KDM4C: variants seen among roughly 807,000 people sequenced by gnomAD.
KDM4C encodes the protein lysine-specific demethylase 4C.
Under a neutral mutation model 129.3 loss-of-function variants are expected in KDM4C, and 81 were observed. That is an observed-to-expected ratio of 0.63 (90% CI 0.52 to 0.75). The LOEUF is 0.75. Among genes scored for constraint, KDM4C ranks in the 30% least tolerant of loss-of-function variants. KDM4C has a pLI of 0.00. For synonymous variants in KDM4C, 573 were observed against 456.1 expected (o/e 1.26, Z -3.26); for missense variants, 1,457 against 1,304.0 (o/e 1.12, Z -1.81).
intron 4 of KDM4C, among the ~76,000 whole-genome samples, chr9:6,847,144 A>C (rs1291915040): frequency 1.3e-5 from 2 of 152,186 alleles, no homozygotes; most frequent in African/African-American, 4.8e-5. Context: ...ATTTTAGAGA[A>C]ATAGTTTGTG....
chr9:6,776,876 A>ACC (rs1823187062), intron 1 of KDM4C, among the ~76,000 whole-genome samples: 1 of 152,206 alleles, frequency 6.6e-6, no homozygotes, highest in Non-Finnish European at 1.5e-5. Flanking sequence ...TGCTGGGATT[A>ACC]CAGGCGTGAG....
intron 3 of KDM4C, among the ~76,000 whole-genome samples, chr9:6,814,115 C>T (rs1371065629): frequency 6.6e-6 from 1 of 152,028 alleles, no homozygotes; most frequent in Non-Finnish European, 1.5e-5. Context: ...AATGGTTTTG[C>T]CAGCTTATAT....
At chr9:7,101,194 A>G (rs774370854) in intron 17 of KDM4C, among the ~76,000 whole-genome samples, 2 of 152,206 alleles carry the variant, frequency 1.3e-5, no homozygotes, top group African/African-American at 2.4e-5. Flanking sequence ...TTCTAGTGCC[A>G]GGTAGCATTT....
At chr9:7,146,712 G>A (rs967858000) in intron 19 of KDM4C, among the ~76,000 whole-genome samples, 4 of 152,162 alleles carry the variant, frequency 2.6e-5, no homozygotes, top group African/African-American at 2.4e-5. Flanking sequence ...GTGAGTGACA[G>A]CCCCACCCAT....
intron 17 of KDM4C, among the ~76,000 whole-genome samples, chr9:7,099,815 TC>T (rs1836867787): frequency 2.0e-5 from 3 of 152,244 alleles, no homozygotes; most frequent in Admixed American, 2.0e-4. Flanking sequence ...GGTGATCAGC[TC>T]CCTGGAGTCC....
chr9:6,776,086 C>T (rs1180936025), intron 1 of KDM4C, among the ~76,000 whole-genome samples: 1 of 152,170 alleles, frequency 6.6e-6, no homozygotes, highest in African/African-American at 2.4e-5. Context: ...ACACACCTTT[C>T]TCTTTTTTAT....
chr9:7,072,605 G>T (rs1170339453), intron 17 of KDM4C, among the ~76,000 whole-genome samples: 1 of 152,146 alleles, frequency 6.6e-6, no homozygotes, highest in African/African-American at 2.4e-5. Flanking sequence ...TTAGTGCTGG[G>T]CCTTATGCAT....
chr9:6,839,539 C>T (rs931255122), intron 4 of KDM4C, among the ~76,000 whole-genome samples: 2 of 151,878 alleles, frequency 1.3e-5, no homozygotes, highest in African/African-American at 4.8e-5. Context: ...CACGCCTGGC[C>T]AAATTTGTCT....
chr9:7,167,576 C>A (rs1844518802), intron 20 of KDM4C, among the ~76,000 whole-genome samples: 1 of 152,180 alleles, frequency 6.6e-6, no homozygotes, highest in Non-Finnish European at 1.5e-5. Flanking sequence ...GTTAGCCCTC[C>A]CGGAAGTGAC....
chr9:6,912,024 C>A (rs562496343), intron 8 of KDM4C, among the ~76,000 whole-genome samples: 1 of 152,298 alleles, frequency 6.6e-6, no homozygotes, highest in African/African-American at 2.4e-5. Flanking sequence ...AGATGGTAGC[C>A]AGACCATCTG....
At chr9:6,949,695 A>C (rs1330135397) in intron 8 of KDM4C, among the ~76,000 whole-genome samples, 3 of 152,146 alleles carry the variant, frequency 2.0e-5, no homozygotes, top group Non-Finnish European at 4.4e-5. Flanking sequence ...TACGAAAACC[A>C]GTCAGGCGTG....
intron 17 of KDM4C, among the ~76,000 whole-genome samples, chr9:7,054,710 G>A (rs1174146358): frequency 6.6e-6 from 1 of 152,184 alleles, no homozygotes; most frequent in Non-Finnish European, 1.5e-5. Context: ...AATGTTTATT[G>A]TATACATTGA....
At chr9:7,073,335 A>G (rs1400416779) in intron 17 of KDM4C, among the ~76,000 whole-genome samples, 1 of 152,254 alleles carries the variant, frequency 6.6e-6, no homozygotes, top group Admixed American at 6.5e-5. Context: ...TGTTAGCACA[A>G]TGGTTGGCAC....
At chr9:6,900,625 A>G (rs983206047) in intron 8 of KDM4C, among the ~76,000 whole-genome samples, 1 of 152,202 alleles carries the variant, frequency 6.6e-6, no homozygotes, top group African/African-American at 2.4e-5. Flanking sequence ...ACAATGCAAG[A>G]CCTGTCTCAA....
At chr9:7,142,743 A>G (rs1841874536) in intron 19 of KDM4C, among the ~76,000 whole-genome samples, 1 of 152,222 alleles carries the variant, frequency 6.6e-6, no homozygotes, top group African/African-American at 2.4e-5. Context: ...CCCAAGAAAT[A>G]CAGAAGGATT....
chr9:6,840,072 T>C (rs904300212), intron 4 of KDM4C, among the ~76,000 whole-genome samples: 3 of 152,060 alleles, frequency 2.0e-5, no homozygotes, highest in African/African-American at 4.8e-5. Context: ...TGTTCTGTTA[T>C]AATTTCCTCT....
chr9:6,942,925 G>T (rs941194742), intron 8 of KDM4C, among the ~76,000 whole-genome samples: 2 of 152,158 alleles, frequency 1.3e-5, no homozygotes, highest in African/African-American at 4.8e-5. Flanking sequence ...GAGTGCAGTG[G>T]CATGATCACG....
intron 8 of KDM4C, among the ~76,000 whole-genome samples, chr9:6,971,945 G>C (rs909446323): frequency 6.6e-6 from 1 of 152,050 alleles, no homozygotes; most frequent in Non-Finnish European, 1.5e-5. Flanking sequence ...AATATTTATG[G>C]AGCATATACT....
At chr9:6,764,558 C>G (rs998149604) in intron 1 of KDM4C, among the ~76,000 whole-genome samples, 1 of 152,138 alleles carries the variant, frequency 6.6e-6, no homozygotes, top group African/African-American at 2.4e-5. Flanking sequence ...ACTGGATTCC[C>G]TATGATTTCA....
Sources: gnomAD v4.1 joint callset for allele counts (sites outside exome capture counted in the v4.1 genomes callset) on GRCh38, gnomAD v4.1.1 for gene constraint, MANE v1.5 for transcripts, NCBI Gene and HGNC (gene_info 2026-07-23, HGNC 2026-07-21) for gene names.